Variants in SPOCK3 observed in about 807,000 individuals in gnomAD.
SPOCK3 encodes testican-3.
A neutral mutation model predicts 56.6 loss-of-function variants in SPOCK3; 30 were observed. The observed-to-expected ratio is 0.53, with a 90% CI of 0.40 to 0.72. SPOCK3 has a LOEUF of 0.72. SPOCK3 is among the 30% of genes least tolerant of loss of function. The probability of loss-of-function intolerance (pLI) is 0.00; values close to 1 mark genes in which losing one functional copy is unlikely to be tolerated. For synonymous variants in SPOCK3, 196 were observed against 183.3 expected (o/e 1.07, Z -0.56); for missense variants, 527 against 530.0 (o/e 0.99, Z 0.06).
At chr4:166,856,836 C>A (rs1478282250) in intron 6 of SPOCK3, among the ~76,000 whole-genome samples, 3 of 142,408 alleles carry the variant, frequency 2.1e-5, no homozygotes, top group East Asian at 3.9e-4. Context: ...AGATATCTCT[C>A]TATATATAGA....
intron 2 of SPOCK3, among the ~76,000 whole-genome samples, chr4:167,110,253 T>C (rs1008683314): frequency 3.9e-5 from 6 of 152,096 alleles, no homozygotes; most frequent in Non-Finnish European, 7.4e-5. Context: ...ACATCTTTCT[T>C]TCTTGAAGCA....
At chr4:167,184,979 T>C (rs533044327) in intron 2 of SPOCK3, among the ~76,000 whole-genome samples, 2 of 152,296 alleles carry the variant, frequency 1.3e-5, no homozygotes, top group Non-Finnish European at 2.9e-5. Flanking sequence ...TAAAACCCCC[T>C]GCCCCTCCCT....
chr4:166,842,655 G>A (rs979066561), intron 6 of SPOCK3, among the ~76,000 whole-genome samples: 33 of 152,146 alleles, frequency 2.2e-4, no homozygotes, highest in Non-Finnish European at 7.4e-5. Flanking sequence ...ACAGAGTGCT[G>A]ATTGGCACAT....
At chr4:166,884,184 T>A (rs1236844505) in intron 6 of SPOCK3, among the ~76,000 whole-genome samples, 2 of 152,016 alleles carry the variant, frequency 1.3e-5, no homozygotes, top group Non-Finnish European at 2.9e-5. Context: ...AAACCCCGTC[T>A]CTACTAAAAA....
At chr4:166,740,169 A>T (rs1229407430) in intron 9 of SPOCK3, among the ~76,000 whole-genome samples, 1 of 152,132 alleles carries the variant, frequency 6.6e-6, no homozygotes, top group East Asian at 1.9e-4. Context: ...TCTCCAAATC[A>T]GGACATGGGG....
chr4:166,843,624 C>T (rs913208064), intron 6 of SPOCK3, among the ~76,000 whole-genome samples: 1 of 152,196 alleles, frequency 6.6e-6, no homozygotes, highest in Admixed American at 6.5e-5. Context: ...GAGACTCCCA[C>T]ACGACCCTAG....
intron 2 of SPOCK3, among the ~76,000 whole-genome samples, chr4:167,090,130 A>G (rs1044105103): frequency 2.0e-5 from 3 of 152,184 alleles, no homozygotes; most frequent in African/African-American, 7.2e-5. Flanking sequence ...TTTCTTATGC[A>G]TAAATACTTA....
chr4:166,966,858 T>A (rs766065259), intron 4 of SPOCK3, among the ~76,000 whole-genome samples: 4 of 152,126 alleles, frequency 2.6e-5, no homozygotes, highest in Non-Finnish European at 5.9e-5. Flanking sequence ...GACACTGTTA[T>A]AGTGATAAAT....
chr4:166,886,968 T>C (rs1336119378), intron 6 of SPOCK3, among the ~76,000 whole-genome samples: 2 of 152,162 alleles, frequency 1.3e-5, no homozygotes, highest in East Asian at 3.8e-4. Flanking sequence ...CCCTGACAAT[T>C]TGTCAGAGGA....
chr4:167,080,836 CTT>C (rs1372344311), intron 2 of SPOCK3, among the ~76,000 whole-genome samples: 1 of 150,204 alleles, frequency 6.7e-6, no homozygotes, highest in African/African-American at 2.4e-5. Context: ...ATGCCAACTT[CTT>C]GTCTTATCTT....
intron 10 of SPOCK3, among the ~76,000 whole-genome samples, chr4:166,735,761 A>T (rs929076525): frequency 6.6e-6 from 1 of 151,974 alleles, no homozygotes; most frequent in Non-Finnish European, 1.5e-5. Context: ...TTTTCCTCTA[A>T]AGCTTCCAGA....
At chr4:166,772,478 G>T (rs1221752654) in intron 7 of SPOCK3, among the ~76,000 whole-genome samples, 1 of 151,886 alleles carries the variant, frequency 6.6e-6, no homozygotes, top group Admixed American at 6.6e-5. Flanking sequence ...TTATAATAAT[G>T]GTGAAGAAAT....
intron 2 of SPOCK3, among the ~76,000 whole-genome samples, chr4:167,097,300 G>T (rs1332573554): frequency 6.6e-6 from 1 of 151,608 alleles, no homozygotes; most frequent in Non-Finnish European, 1.5e-5. Flanking sequence ...ATATTCTCAA[G>T]TTTTGAGTAT....
chr4:166,829,060 G>A (rs1745763892), intron 6 of SPOCK3, among the ~76,000 whole-genome samples: 1 of 151,978 alleles, frequency 6.6e-6, no homozygotes, highest in Admixed American at 6.6e-5. Context: ...CTGATAGTGG[G>A]TCTACCTGGT....
chr4:167,173,256 T>C (rs1730667126), intron 2 of SPOCK3, among the ~76,000 whole-genome samples: 1 of 152,164 alleles, frequency 6.6e-6, no homozygotes. Context: ...GTATTTTTAC[T>C]TTTCATTATT....
chr4:167,199,199 T>C (rs1408950474), intron 2 of SPOCK3, among the ~76,000 whole-genome samples: 2 of 151,628 alleles, frequency 1.3e-5, no homozygotes, highest in African/African-American at 4.9e-5. Context: ...ATATTAGTTA[T>C]GATCCTCAAT....
intron 5 of SPOCK3, among the ~76,000 whole-genome samples, chr4:166,912,199 T>G (rs932982536): frequency 3.9e-5 from 6 of 152,158 alleles, no homozygotes; most frequent in African/African-American, 1.4e-4. Context: ...CTGATCCTGT[T>G]TTTTTCATCT....
chr4:166,748,309 C>G (rs1307676107), intron 8 of SPOCK3, among the ~76,000 whole-genome samples: 1 of 136,886 alleles, frequency 7.3e-6, no homozygotes, highest in Non-Finnish European at 1.5e-5. Flanking sequence ...TGGAACAGAA[C>G]AGAGCCCTCA....
chr4:166,891,452 A>G (rs752632605), intron 5 of SPOCK3, among the ~76,000 whole-genome samples: 45 of 152,088 alleles, frequency 3.0e-4, no homozygotes, highest in Non-Finnish European at 5.0e-4. Context: ...TGAAATTCTT[A>G]ACGAGCCCTG....
Sources: gnomAD v4.1 joint callset for allele counts (sites outside exome capture counted in the v4.1 genomes callset) on GRCh38, gnomAD v4.1.1 for gene constraint, MANE v1.5 for transcripts, NCBI Gene and HGNC (gene_info 2026-07-23, HGNC 2026-07-21) for gene names.